The following FBN3 variants were observed in gnomAD, a reference collection of about 807,000 sequenced individuals.
The protein encoded by FBN3 is fibrillin-3.
Under a neutral mutation model 330.1 loss-of-function variants are expected in FBN3, and 234 were observed. The observed-to-expected ratio is 0.71, with a 90% confidence interval of 0.64 to 0.79. The LOEUF (loss-of-function observed/expected upper bound fraction) is 0.79. FBN3 is among the 30% of genes least tolerant of loss of function. The pLI, the probability that FBN3 is intolerant of heterozygous loss-of-function variation, is 0.00. For synonymous variants in FBN3, 1,458 were observed against 1,517.3 expected (o/e 0.96, Z 0.91); for missense variants, 3,606 against 3,886.9 (o/e 0.93, Z 1.92).
At chr19:8,100,286 T>G in intron 41 of FBN3, among the ~76,000 whole-genome samples, 1 of 151,370 alleles carries the variant, frequency 6.6e-6, no homozygotes, top group African/African-American at 2.4e-5. Context: ...TGCAAAACAG[T>G]GAAAGTGTAC....
At chr19:8,089,776 G>T in intron 50 of FBN3, 106 bp from the exon 51 acceptor site, 2 of 1,560,542 alleles carry the variant, frequency 1.3e-6, no homozygotes, top group Non-Finnish European at 1.7e-6. Context: ...CCCCAGGCTG[G>T]CAGGGTCCAG....
At chr19:8,072,347 G>A (rs1004745438) in intron 62 of FBN3, 149 bp from the exon 63 acceptor site, 6 of 790,466 alleles carry the variant, frequency 7.6e-6, no homozygotes, top group South Asian at 3.6e-5. Context: ...GTGTGGCTCC[G>A]TGTGCACGAG....
intron 63 of FBN3, among the ~76,000 whole-genome samples, chr19:8,066,794 G>A (rs995819901): frequency 2.0e-5 from 3 of 152,106 alleles, no homozygotes; most frequent in Non-Finnish European, 4.4e-5. Flanking sequence ...CAGGAGAATC[G>A]CTTGAACCCG....
Position 8,111,128 on chromosome 19 carries a change from A to G in FBN3, c.4140T>C (p.Asn1380=). The part of the protein sequence containing the change: ...VDLCDNGQCL[N]APGGYRCECE... Reference sequence around the variant, plus strand: ...ATTCACAGCGGTACCCGCCGGGCGCATTGAGGCACTGCCCGTTGTCACAGA... The same window carrying G: ...ATTCACAGCGGTACCCGCCGGGCGCGTTGAGGCACTGCCCGTTGTCACAGA... The change falls in exon 33 of 64, where the codon AAT becomes AAC. Residue 1380 remains asparagine (N), a synonymous_variant. Coordinates refer to ENST00000600128, the MANE Select transcript of FBN3 (RefSeq NM_032447.5). The G allele has an allele frequency of 6.2e-7, 1 of 1,613,234 alleles. No homozygotes were observed. The highest frequency in any genetic ancestry group is 1.1e-5 in the South Asian group (1 of 90,988).
intron 26 of FBN3, 93 bp from the exon 27 acceptor site, chr19:8,117,682 A>C (rs949827972): frequency 2.1e-5 from 30 of 1,396,946 alleles, no homozygotes; most frequent in Non-Finnish European, 2.9e-5. Context: ...CATGCTAAGG[A>C]GCTCACACTG....
At chr19:8,067,974 G>C (rs138093244) in intron 63 of FBN3, among the ~76,000 whole-genome samples, 1 of 152,164 alleles carries the variant, frequency 6.6e-6, no homozygotes, top group East Asian at 1.9e-4. Context: ...TGAGGTGGGA[G>C]GATCCCTTGA....
At chr19:8,115,372 G>T in intron 30 of FBN3, 143 bp downstream of exon 30, 2 of 1,113,164 alleles carry the variant, frequency 1.8e-6, no homozygotes, top group South Asian at 1.5e-5. Flanking sequence ...CTCTGTTCTT[G>T]CTTTAACACA....
At chr19:8,066,320 AG>A (rs1480495080) in intron 63 of FBN3, 60 bp from the exon 64 acceptor site, 7 of 1,277,504 alleles carry the variant, frequency 5.5e-6, no homozygotes, top group Non-Finnish European at 7.5e-6. Flanking sequence ...TGGTGTGGGT[AG>A]GGGGTCCTCG....
chr19:8,111,785 G>C lies in FBN3; in HGVS notation c.3962-15C>G. The stretch of plus-strand genomic sequence containing the variant: ...TTCATCCAGGTCTGCAGGAGATGGA[G>C]CCCAGACCCCCCACCCCATGGTGTG... On this transcript the variant is annotated splice_polypyrimidine_tract_variant and intron_variant, in intron 31 of 63. Transcript: ENST00000600128. 1 of 1,610,756 alleles carries C rather than the reference G, an allele frequency of 6.2e-7. No individual in the cohort carries two copies. The highest frequency in any genetic ancestry group is 8.5e-7 in the Non-Finnish European group (1 of 1,177,874).
rs2081375834 is a variant in FBN3, at chr19:8,065,768, G to A, written c.*151C>T. On this transcript the variant is annotated 3_prime_UTR_variant, in exon 64 of 64. Transcript: ENST00000600128. ...GGGCTGGCACAGAGGCCCAGGCAGA[G>A]GCCGGGCTTGCCTGAGGTTGTCGTG... is the stretch of plus-strand genomic sequence containing the variant. 6 of 701,486 alleles carry A rather than the reference G, an allele frequency of 8.6e-6. No homozygotes were observed. Among genetic ancestry groups the A allele is most frequent in the Non-Finnish European group, 1.4e-5 (6 of 433,054 alleles). 43.5% of individuals were successfully genotyped at this position (701,486 alleles called of 1,614,324 possible).
chr19:8,112,165 C>T (rs577882098), intron 30 of FBN3, 66 bp from the exon 31 acceptor site: 27 of 1,552,662 alleles, frequency 1.7e-5, no homozygotes, highest in East Asian at 9.1e-5. Context: ...GCAATAGCAG[C>T]GGAAAGGGCA....
At chr19:8,085,856 G>A (rs1179219848) in intron 55 of FBN3, among the ~76,000 whole-genome samples, 2 of 151,994 alleles carry the variant, frequency 1.3e-5, no homozygotes, top group Non-Finnish European at 2.9e-5. Context: ...GGGACAGAGG[G>A]AAGAGGGGCA....
At chr19:8,144,808 G>A in intron 6 of FBN3, 69 bp downstream of exon 6, 1 of 1,292,788 alleles carries the variant, frequency 7.7e-7, no homozygotes, top group Non-Finnish European at 1.1e-6. Flanking sequence ...CATGTCTCAG[G>A]GACTTCCAGG....
At chr19:8,082,784 A>G (rs2081835845) in intron 57 of FBN3, among the ~76,000 whole-genome samples, 1 of 140,910 alleles carries the variant, frequency 7.1e-6, no homozygotes, top group African/African-American at 2.7e-5. Flanking sequence ...ATGAGCTACT[A>G]TGCCTGGCCT....
rs2083497308 is a variant in FBN3 at position 8,144,927 on chromosome 19, G to A, written c.491C>T (p.Pro164Leu). The A allele has an allele frequency of 1.2e-6, 2 of 1,612,466 alleles. No individual in the cohort carries two copies. Among genetic ancestry groups the A allele is most frequent in the Admixed American group, 1.7e-5 (1 of 59,828 alleles). Residue 164 changes from proline to leucine, a missense_variant, in exon 6 of 64, where the codon CCC (proline) becomes CTC (leucine). By Grantham distance (98) the Pro-to-Leu change is moderately conservative. Coordinates refer to ENST00000600128, the MANE Select transcript of FBN3 (RefSeq NM_032447.5). ...GCHNGGRCIG[P>L]NRCACVYGFM... ...GCCATACACACAGGCGCAGCGGTTGGGCCCAATGCAGCGACCCCCATTGTG... is the reference window on the plus strand; with the variant it reads ...GCCATACACACAGGCGCAGCGGTTGAGCCCAATGCAGCGACCCCCATTGTG...
intron 47 of FBN3, among the ~76,000 whole-genome samples, chr19:8,093,147 C>T (rs911850433): frequency 1.6e-4 from 24 of 152,086 alleles, no homozygotes; most frequent in African/African-American, 5.8e-4. Context: ...ATTTACCCTA[C>T]ACCGGACAGG....
intron 6 of FBN3, among the ~76,000 whole-genome samples, chr19:8,144,640 G>C (rs2083491362): frequency 6.6e-6 from 1 of 151,638 alleles, no homozygotes; most frequent in Non-Finnish European, 1.5e-5. Context: ...CCTCAGACTG[G>C]CACATCCTCT....
intron 63 of FBN3, among the ~76,000 whole-genome samples, chr19:8,070,454 TGAA>T (rs2081486699): frequency 6.6e-6 from 1 of 152,062 alleles, no homozygotes; most frequent in African/African-American, 2.4e-5. Context: ...ATCTGTGGAG[TGAA>T]GAAGCTTCGA....
At position 8,135,961 on chromosome 19, in the gene FBN3, CCA is replaced by C; in HGVS notation, c.1589_1590del (p.Val530GlyfsTer44). On this transcript the variant is annotated frameshift_variant and splice_region_variant, in exon 13 of 64. Coordinates refer to ENST00000600128, the MANE Select transcript of FBN3 (RefSeq NM_032447.5). LOFTEE classifies it high-confidence loss of function. ...FELSPDGKNC[V>X]DHNECATSTM... ...GCCCACCCGCCCACCCCCAACTCAC[CCA>C]CACAGTTCTTGCCGTCAGGGCTGAG... 2 of 1,529,892 alleles carry C rather than the reference CCA, an allele frequency of 1.3e-6. No individual in the cohort carries two copies. Among genetic ancestry groups the C allele is most frequent in the South Asian group, 2.4e-5 (2 of 83,500 alleles). The allele number at this position is 1,529,892 out of a possible 1,614,324, so 94.8% of individuals were successfully genotyped here. A position where few individuals can be genotyped will look rare whatever the true frequency, so the allele number is the denominator to read the frequency against.
Sources: gnomAD v4.1 joint callset for allele counts (sites outside exome capture counted in the v4.1 genomes callset) on GRCh38, gnomAD v4.1.1 for gene constraint, MANE v1.5 for transcripts, NCBI Gene and HGNC (gene_info 2026-07-23, HGNC 2026-07-21) for gene names.